Variants in SAMMSON observed in about 807,000 individuals in gnomAD.
The protein encoded by SAMMSON is long intergenic non-protein coding RNA 1212.
At chr3:70,396,180 A>G (rs1701092011) in intron 2 of SAMMSON, among the ~76,000 whole-genome samples, 1 of 152,168 alleles carries the variant, frequency 6.6e-6, no homozygotes, top group Non-Finnish European at 1.5e-5. Flanking sequence ...CCATATATGA[A>G]AGAAAAAAGA....
chr3:70,301,494 A>T (rs1014350568), intron 7 of SAMMSON, among the ~76,000 whole-genome samples: 4 of 152,060 alleles, frequency 2.6e-5, no homozygotes, highest in African/African-American at 4.8e-5. Context: ...TGGGCATGGG[A>T]ATCTCTGTGT....
chr3:70,087,620 G>C (rs2067290614), intron 4 of SAMMSON, among the ~76,000 whole-genome samples: 1 of 152,176 alleles, frequency 6.6e-6, no homozygotes, highest in South Asian at 2.1e-4. Flanking sequence ...TGACTCAGTA[G>C]AAAACATGAG....
At chr3:70,220,974 G>T (rs1701456604) in intron 4 of SAMMSON, among the ~76,000 whole-genome samples, 1 of 152,166 alleles carries the variant, frequency 6.6e-6, no homozygotes, top group Non-Finnish European at 1.5e-5. Context: ...TTACTAAGTG[G>T]TAGGTAATGA....
intron 4 of SAMMSON, among the ~76,000 whole-genome samples, chr3:70,080,301 C>G (rs1227672428): frequency 6.6e-6 from 1 of 152,162 alleles, no homozygotes; most frequent in East Asian, 1.9e-4. Context: ...TCCCTCCTTG[C>G]CCAGATAAAT....
intron 4 of SAMMSON, chr3:70,172,452 C>T (rs1012296827): frequency 6.6e-6 from 1 of 151,760 alleles, no homozygotes; most frequent in East Asian, 1.9e-4. Flanking sequence ...AGCTTTCTGG[C>T]GTTATTCAAA....
chr3:70,216,409 G>C (rs2106733342), intron 4 of SAMMSON, among the ~76,000 whole-genome samples: 1 of 151,674 alleles, frequency 6.6e-6, no homozygotes, highest in South Asian at 2.1e-4. Context: ...AATACTCCCA[G>C]CAACCCTATG....
intron 2 of SAMMSON, among the ~76,000 whole-genome samples, chr3:70,406,529 A>C (rs1041235157): frequency 6.6e-6 from 1 of 152,204 alleles, no homozygotes; most frequent in Non-Finnish European, 1.5e-5. Context: ...AATAGCAACC[A>C]TATATTAGGA....
intron 6 of SAMMSON, chr3:70,272,069 A>G (rs1410544672): frequency 1.3e-5 from 2 of 152,146 alleles, no homozygotes; most frequent in Non-Finnish European, 2.9e-5. Context: ...GGCTATGGCT[A>G]ACACTTTTTT....
chr3:70,040,683 G>T lies in SAMMSON; in HGVS notation n.417+27011G>T, dbSNP rs73104072. Among the ~76,000 whole-genome samples, 472 of 152,230 alleles carry T rather than the reference G, an allele frequency of 3.1e-3. 1 individual carries two copies. The highest frequency in any genetic ancestry group is 4.7e-3 in the Non-Finnish European group (317 of 68,006). On this transcript the variant is annotated intron_variant and non_coding_transcript_variant, in intron 3 of 9. Coordinates refer to ENST00000642114, the Ensembl canonical transcript of SAMMSON. ...ATGTCTAGGATGCCAGGTGGGAGGG[G>T]CACTTGGCCATTGCATCTTGAATCC...
Position 70,027,574 on chromosome 3 carries a change from G to A in SAMMSON, n.417+13902G>A, listed in dbSNP as rs201009507. 7.9e-5 allele frequency among the ~76,000 whole-genome samples: 12 copies of A among 152,286 alleles called. No homozygotes were observed. The East Asian group carries it at 1.9e-3, about 24-fold the overall frequency. On this transcript the variant is annotated intron_variant and non_coding_transcript_variant, in intron 3 of 9. Transcript: ENST00000642114. ...AGAATCATTTTACTAAATCGAGCAA[G>A]TTGTAAAGATTGTTATGAGGGTTGG... is the stretch of plus-strand genomic sequence containing the variant.
At chr3:70,017,019 G>T (rs375057385) in intron 3 of SAMMSON, among the ~76,000 whole-genome samples, 1 of 152,070 alleles carries the variant, frequency 6.6e-6, no homozygotes, top group Non-Finnish European at 1.5e-5. Context: ...GTCAGGTAGC[G>T]TGATGCCTCC....
chr3:70,385,264 T>TGATA (rs1221255098), intron 9 of SAMMSON, among the ~76,000 whole-genome samples: 8 of 152,080 alleles, frequency 5.3e-5, no homozygotes, highest in African/African-American at 1.9e-4. Flanking sequence ...AATGTTCTTA[T>TGATA]GATAACTAAC....
chr3:70,140,124 C>G (rs950226853), intron 4 of SAMMSON: 4 of 154,246 alleles, frequency 2.6e-5, no homozygotes, highest in African/African-American at 9.7e-5. Flanking sequence ...CTGCTTAAAA[C>G]TTTCCTCAGC....
At chr3:70,398,274 C>G (rs1041259354) in intron 2 of SAMMSON, among the ~76,000 whole-genome samples, 8 of 152,142 alleles carry the variant, frequency 5.3e-5, no homozygotes, top group Non-Finnish European at 7.4e-5. Context: ...TGCTGATCTC[C>G]TTTGAGAATG....
chr3:70,074,019 TTATTAC>T (rs763654744), intron 4 of SAMMSON, among the ~76,000 whole-genome samples: 1 of 151,900 alleles, frequency 6.6e-6, no homozygotes, highest in African/African-American at 2.4e-5. Context: ...CATATTATTA[TTATTAC>T]TATTACTATT....
At chr3:70,289,745 G>C (rs1014833629) in intron 6 of SAMMSON, among the ~76,000 whole-genome samples, 1 of 152,182 alleles carries the variant, frequency 6.6e-6, no homozygotes, top group Non-Finnish European at 1.5e-5. Flanking sequence ...ATTTCTTGGA[G>C]GGTTTGCTCG....
chr3:70,396,308 G>C (rs2106760177), intron 2 of SAMMSON, among the ~76,000 whole-genome samples: 1 of 152,250 alleles, frequency 6.6e-6, no homozygotes, highest in African/African-American at 2.4e-5. Context: ...CAATGTAAGG[G>C]ATTCTTCTAC....
At chr3:70,389,921 A>G (rs1021147876), downstream of SAMMSON, 4 of 152,206 alleles carry the variant, frequency 2.6e-5, no homozygotes, top group African/African-American at 4.8e-5. Flanking sequence ...GACAATGAGT[A>G]CAAATAACTC....
chr3:70,354,915 A>C (rs537916435), intron 8 of SAMMSON, among the ~76,000 whole-genome samples: 6 of 152,192 alleles, frequency 3.9e-5, no homozygotes, highest in African/African-American at 1.2e-4. Flanking sequence ...TATTTTTCTT[A>C]ATAAAATCCT....
Sources: gnomAD v4.1 joint callset for allele counts (sites outside exome capture counted in the v4.1 genomes callset) on GRCh38, gnomAD v4.1.1 for gene constraint, MANE v1.5 for transcripts, NCBI Gene and HGNC (gene_info 2026-07-23, HGNC 2026-07-21) for gene names.